The following NME9 variants were observed in gnomAD, a reference collection of about 807,000 sequenced individuals.
NME9 encodes thioredoxin domain-containing protein 6.
In NME9, 48 loss-of-function variants were observed where a neutral mutation model predicts 44.4. That is an observed-to-expected ratio of 1.08 (90% CI 0.86 to 1.37). NME9 has a LOEUF of 1.37. NME9 is among the 40% of genes most tolerant of loss of function. The pLI is 0.00. For missense variants in NME9, 325 were observed against 405.2 expected, an observed-to-expected ratio of 0.80 and a Z score of 1.70; for synonymous variants, 139 against 147.1, an observed-to-expected ratio of 0.94 and a Z score of 0.40.
At chr3:138,310,123 T>C (rs1020515682) in intron 6 of NME9, among the ~76,000 whole-genome samples, 1 of 151,774 alleles carries the variant, frequency 6.6e-6, no homozygotes, top group Non-Finnish European at 1.5e-5. Context: ...GAAAAAGATA[T>C]TCATTGCAAG....
At chr3:138,303,751 G>T in intron 9 of NME9, 108 bp from the exon 10 acceptor site, 1 of 946,952 alleles carries the variant, frequency 1.1e-6, no homozygotes, top group Middle Eastern at 2.2e-4. Context: ...CTGCATTCCT[G>T]TGAAATTGAT....
At chr3:138,309,386 G>A (rs1577145378) in intron 6 of NME9, among the ~76,000 whole-genome samples, 1 of 152,120 alleles carries the variant, frequency 6.6e-6, no homozygotes. Flanking sequence ...GACATTTGAG[G>A]TATAAAACCC....
At chr3:138,275,322 C>A (rs1339982051) in intron 8 of NME9, among the ~76,000 whole-genome samples, 3 of 152,090 alleles carry the variant, frequency 2.0e-5, no homozygotes, top group Non-Finnish European at 4.4e-5. Context: ...CTTTGGGAGG[C>A]CGAGGTGGGC....
At chr3:138,290,675 G>C in intron 8 of NME9, 2 of 1,426,416 alleles carry the variant, frequency 1.4e-6, no homozygotes, top group South Asian at 1.2e-5. Flanking sequence ...GCTTTGGGCT[G>C]TGTTGGATTC....
rs2108359491 is a variant in NME9 at position 138,284,618 on chromosome 3, GGAAAA to G, written c.745+18884_745+18888del. On this transcript the variant is annotated intron_variant, in intron 8 of 8. Transcript: ENST00000317876. ...AAATTGTGCAGAGATTTTAAAAAGA[GGAAAA>G]GAATAGATTACTCTGTGACTCCTCA... is the stretch of plus-strand genomic sequence containing the variant. 5.2e-6 allele frequency: 5 copies of G among 967,480 alleles called. No homozygotes were observed. The South Asian group carries it at 7.5e-5, about 15-fold the overall frequency. The allele number at this position is 967,480 out of a possible 1,614,324, so 59.9% of individuals were successfully genotyped here.
chr3:138,317,140 G>C (rs75698086), intron 4 of NME9, among the ~76,000 whole-genome samples: 1 of 152,212 alleles, frequency 6.6e-6, no homozygotes, highest in Non-Finnish European at 1.5e-5. Context: ...ACTGAGCTCT[G>C]ATGTCAAGTG....
intron 1 of NME9, 108 bp downstream of exon 1, chr3:138,329,195 T>G: frequency 1.0e-6 from 1 of 967,782 alleles, no homozygotes; most frequent in Admixed American, 2.2e-5. Flanking sequence ...CACTGTCACG[T>G]ACTGCTGGCA....
At chr3:138,318,369 A>C in intron 3 of NME9, 150 bp from the exon 4 acceptor site, 1 of 649,922 alleles carries the variant, frequency 1.5e-6, no homozygotes, top group East Asian at 2.7e-5. Context: ...CCTGCTAATC[A>C]GAGCTGTCCT....
chr3:138,315,893 G>A (rs549709913), intron 4 of NME9, among the ~76,000 whole-genome samples: 77 of 152,064 alleles, frequency 5.1e-4, no homozygotes, highest in Non-Finnish European at 7.4e-4. Flanking sequence ...GTGCAGTGGC[G>A]TGACCTCGGC....
chr3:138,327,135 G>A (rs1395778464), intron 1 of NME9: 1 of 141,418 alleles, frequency 7.1e-6, no homozygotes, highest in South Asian at 2.2e-4. Context: ...CAGCCTGGGC[G>A]ACAGGACAGA....
chr3:138,296,897 G>C (rs960561386), downstream of NME9: 4 of 152,200 alleles, frequency 2.6e-5, no homozygotes, highest in African/African-American at 9.7e-5. Context: ...GCCAGATTTA[G>C]AACCAGTCAT....
chr3:138,278,654 G>C (rs77269851), intron 8 of NME9, among the ~76,000 whole-genome samples: 1 of 152,096 alleles, frequency 6.6e-6, no homozygotes, highest in Non-Finnish European at 1.5e-5. Flanking sequence ...TTGGGAGGAC[G>C]TGACATCTTA....
At chr3:138,268,251 A>C (rs1180378864) in intron 8 of NME9, among the ~76,000 whole-genome samples, 2 of 152,060 alleles carry the variant, frequency 1.3e-5, no homozygotes, top group African/African-American at 4.8e-5. Context: ...TAAAAAATAA[A>C]ACAAAACAAA....
At chr3:138,304,048 T>C (rs2052044764) in intron 9 of NME9, among the ~76,000 whole-genome samples, 1 of 152,220 alleles carries the variant, frequency 6.6e-6, no homozygotes, top group South Asian at 2.1e-4. Flanking sequence ...CCTCGTAAGA[T>C]AATATTGCTA....
intron 1 of NME9, among the ~76,000 whole-genome samples, chr3:138,328,393 C>T (rs1387919322): frequency 1.4e-5 from 2 of 138,698 alleles, no homozygotes; most frequent in African/African-American, 2.6e-5. Flanking sequence ...AATGATGCTG[C>T]TTTCCCCTTT....
chr3:138,313,648 A>G (rs1484033795), intron 6 of NME9, among the ~76,000 whole-genome samples: 1 of 152,228 alleles, frequency 6.6e-6, no homozygotes, highest in Non-Finnish European at 1.5e-5. Context: ...TAGCCAAAAT[A>G]TGGAATCAAC....
intron 8 of NME9, among the ~76,000 whole-genome samples, chr3:138,285,386 C>T (rs949945279): frequency 1.3e-5 from 2 of 152,166 alleles, no homozygotes; most frequent in East Asian, 1.9e-4. Flanking sequence ...TCAAGTCCTA[C>T]GTGACCTAAC....
chr3:138,298,298 A>G (rs2051660925), downstream of NME9: 1 of 152,230 alleles, frequency 6.6e-6, no homozygotes, highest in Admixed American at 6.5e-5. Flanking sequence ...CACTTTATTC[A>G]GAACAATACA....
rs1186128155 is a variant in NME9, at chr3:138,306,417, G to C, written c.524C>G (p.Thr175Ser). The C allele has an allele frequency of 1.2e-6, 2 of 1,612,124 alleles. No homozygotes were observed. The highest frequency in any genetic ancestry group is 4.5e-5 in the East Asian group (2 of 44,890). The change falls in exon 7 of 11, where the codon ACT (threonine) becomes AGT (serine). Residue 175 changes from threonine to serine, a missense_variant. Transcript: ENST00000333911. ...IKPDAVAHGK[T>S]DEIIMKIQEA... is the part of the protein sequence containing the mutation. ...TCTTACCTTCATGATAATCTCATCA[G>C]TCTTTCCATGGGCCACTGCATCTGG...
Sources: gnomAD v4.1 joint callset for allele counts (sites outside exome capture counted in the v4.1 genomes callset) on GRCh38, gnomAD v4.1.1 for gene constraint, MANE v1.5 for transcripts, NCBI Gene and HGNC (gene_info 2026-07-23, HGNC 2026-07-21) for gene names.